The following TSPAN11 variants were observed in gnomAD, a reference collection of about 807,000 sequenced individuals.
TSPAN11 encodes tetraspanin-11.
TSPAN11 carries 29 observed loss-of-function variants against 32.9 expected under a neutral mutation model. The observed-to-expected ratio is 0.88, with a 90% CI of 0.66 to 1.20. The LOEUF is 1.20. Among genes scored for constraint, TSPAN11 ranks in the 50% most tolerant of loss-of-function variants. The probability of loss-of-function intolerance (pLI) is 0.00; values close to 1 mark genes in which losing one functional copy is unlikely to be tolerated. For synonymous variants in TSPAN11, 140 were observed against 141.3 expected (o/e 0.99, Z 0.07); for missense variants, 283 against 329.1 (o/e 0.86, Z 1.08).
chr12:30,978,486 C>G, intron 3 of TSPAN11, 75 bp from the exon 4 acceptor site: 1 of 1,471,178 alleles, frequency 6.8e-7, no homozygotes, highest in Non-Finnish European at 9.5e-7. Context: ...TCTACCACCC[C>G]CACCACTGTG....
chr12:31,002,054 G>T, the TSPAN11 span, among the ~76,000 whole-genome samples: 1 of 152,016 alleles, frequency 6.6e-6, no homozygotes, highest in Non-Finnish European at 1.5e-5. This position sits in a 1 kb window ranked among gnomAD's most constrained non-coding sequence, Gnocchi z 4.8. Context: ...CAGATGATGG[G>T]GGTCACCTGC....
At chr12:30,932,720 T>C (rs1268131002) in intron 1 of TSPAN11, among the ~76,000 whole-genome samples, 1 of 152,180 alleles carries the variant, frequency 6.6e-6, no homozygotes, top group Admixed American at 6.5e-5. Flanking sequence ...AAATGCTTTA[T>C]ACAATTTCAG....
chr12:30,927,060 T>C, intron 1 of TSPAN11: 1 of 1,266,470 alleles, frequency 7.9e-7, no homozygotes, highest in Non-Finnish European at 1.0e-6. Flanking sequence ...TGCGCATGAG[T>C]CTGCCTTTCT....
chr12:31,010,030 G>C, the TSPAN11 span, among the ~76,000 whole-genome samples: 1 of 152,240 alleles, frequency 6.6e-6, no homozygotes, highest in Non-Finnish European at 1.5e-5. Flanking sequence ...CTTGCCCGCA[G>C]AGCTAGGAGC....
chr12:30,927,236 T>C (rs916912073), intron 1 of TSPAN11, among the ~76,000 whole-genome samples: 10 of 152,230 alleles, frequency 6.6e-5, no homozygotes, highest in Admixed American at 6.5e-5. Flanking sequence ...GCACATTGCT[T>C]TCAGAGGGCC....
chr12:30,960,781 G>C (rs1938596626), intron 2 of TSPAN11, among the ~76,000 whole-genome samples: 1 of 151,958 alleles, frequency 6.6e-6, no homozygotes, highest in Admixed American at 6.6e-5. Context: ...GCTCACACCT[G>C]TAATCCCAGC....
At chr12:30,980,029 T>C (rs994393522) in intron 5 of TSPAN11, among the ~76,000 whole-genome samples, 1 of 152,182 alleles carries the variant, frequency 6.6e-6, no homozygotes, top group Non-Finnish European at 1.5e-5. Context: ...CTCTCCAGGC[T>C]GCTTATATCC....
chr12:30,972,146 G>C (rs1938865233), intron 3 of TSPAN11, among the ~76,000 whole-genome samples: 1 of 152,150 alleles, frequency 6.6e-6, no homozygotes, highest in Non-Finnish European at 1.5e-5. Flanking sequence ...AGACCACAGG[G>C]GATCGATTTT....
chr12:30,982,011 A>G (rs1404774095), intron 5 of TSPAN11, among the ~76,000 whole-genome samples: 1 of 152,156 alleles, frequency 6.6e-6, no homozygotes, highest in Non-Finnish European at 1.5e-5. Flanking sequence ...CTTAGCACTC[A>G]TGACAGCCCC....
intron 1 of TSPAN11, among the ~76,000 whole-genome samples, chr12:30,933,079 G>T (rs1044522091): frequency 6.6e-6 from 1 of 152,166 alleles, no homozygotes; most frequent in African/African-American, 2.4e-5. Flanking sequence ...TGCCAGAGCC[G>T]CAGGATGACA....
At chr12:30,963,790 C>G in intron 2 of TSPAN11, 36 bp from the exon 3 acceptor site, 1 of 1,589,830 alleles carries the variant, frequency 6.3e-7, no homozygotes. Context: ...CCGAGGCCCC[C>G]GCCACCCCCT....
chr12:30,964,032 T>G lies in TSPAN11; in HGVS notation c.276+15T>G, dbSNP rs551952325. On this transcript the variant is annotated intron_variant, in intron 3 of 7. Coordinates refer to ENST00000546076, the MANE Select transcript of TSPAN11 (RefSeq NM_001370302.1). ...GCCTCTCCACGGTCAGTGCCCGCCC[T>G]GTGCTCTGCAGGGATGGGGAGCCCT... is the stretch of plus-strand genomic sequence containing the variant. 2.5e-6 allele frequency: 4 copies of G among 1,610,422 alleles called. No homozygotes were observed. The highest frequency in any genetic ancestry group is 4.5e-5 in the East Asian group (2 of 44,822).
intron 5 of TSPAN11, among the ~76,000 whole-genome samples, chr12:30,981,221 G>C (rs1459645520): frequency 1.3e-5 from 2 of 152,204 alleles, no homozygotes; most frequent in Non-Finnish European, 2.9e-5. Context: ...TCAGGCAGGA[G>C]ACAGCCCTGA....
At chr12:31,008,263 T>C in the TSPAN11 span, among the ~76,000 whole-genome samples, 4 of 152,224 alleles carry the variant, frequency 2.6e-5, no homozygotes, top group Admixed American at 2.6e-4. Flanking sequence ...TTTGAAGGTA[T>C]GCATGGAACA....
At chr12:30,944,638 C>G (rs1938231001) in intron 1 of TSPAN11, among the ~76,000 whole-genome samples, 1 of 152,182 alleles carries the variant, frequency 6.6e-6, no homozygotes, top group South Asian at 2.1e-4. Context: ...TGTCCATCAA[C>G]AGATGAATGG....
chr12:30,982,966 G>A, intron 6 of TSPAN11, 98 bp from the exon 7 acceptor site: 16 of 1,346,666 alleles, frequency 1.2e-5, no homozygotes, highest in Non-Finnish European at 1.7e-5. Context: ...TGAGTCCTCT[G>A]GCCAGTCCTC....
chr12:30,935,215 C>T (rs984968300), intron 1 of TSPAN11, among the ~76,000 whole-genome samples: 1 of 151,952 alleles, frequency 6.6e-6, no homozygotes, highest in East Asian at 1.9e-4. Context: ...AAGAGTGGCT[C>T]TTCTCCACAG....
At chr12:30,977,415 C>T (rs35099) in intron 3 of TSPAN11, among the ~76,000 whole-genome samples, 69,703 of 152,180 alleles carry the variant, frequency 0.46, 16,333 homozygotes, top group East Asian at 0.66. Flanking sequence ...CCAGTGACCA[C>T]GGGTAGCTGC....
the TSPAN11 span, among the ~76,000 whole-genome samples, chr12:31,004,336 C>T: frequency 6.6e-6 from 1 of 152,168 alleles, no homozygotes; most frequent in Admixed American, 6.5e-5. Context: ...CTATGGTAGT[C>T]TAGGGCCAGT....
Sources: gnomAD v4.1 joint callset for allele counts (sites outside exome capture counted in the v4.1 genomes callset) on GRCh38, gnomAD v4.1.1 for gene constraint, Gnocchi (gnomAD v3.1) non-coding constraint, MANE v1.5 for transcripts, NCBI Gene and HGNC (gene_info 2026-07-23, HGNC 2026-07-21) for gene names.